The following TCEA3 variants were observed in gnomAD, a reference collection of about 807,000 sequenced individuals.
The protein encoded by TCEA3 is transcription elongation factor A3.
In TCEA3, 36 loss-of-function variants were observed where a neutral mutation model predicts 44.0. The observed-to-expected ratio is 0.82, with a 90% CI of 0.63 to 1.08. TCEA3 has a LOEUF of 1.08. TCEA3 is among the 50% of genes least tolerant of loss of function. The probability of loss-of-function intolerance (pLI) is 0.00; values close to 1 mark genes in which losing one functional copy is unlikely to be tolerated. For synonymous variants in TCEA3, 162 were observed against 159.7 expected, an observed-to-expected ratio of 1.01 and a Z score of -0.11; for missense variants, 392 against 441.2, an observed-to-expected ratio of 0.89 and a Z score of 1.00.
chr1:23,382,330 G>T (rs1219132283), intron 10 of TCEA3, among the ~76,000 whole-genome samples: 2 of 152,294 alleles, frequency 1.3e-5, no homozygotes, highest in East Asian at 3.9e-4. Flanking sequence ...ACGAGCCACT[G>T]CGCCTGGCCT....
chr1:23,406,845 C>T (rs886527117), intron 5 of TCEA3, among the ~76,000 whole-genome samples: 7 of 152,196 alleles, frequency 4.6e-5, no homozygotes, highest in African/African-American at 1.7e-4. Flanking sequence ...TGGTCTCGAA[C>T]TCCTGGCTTC....
intron 4 of TCEA3, chr1:23,412,107 T>A (rs1470211403): frequency 6.6e-6 from 1 of 152,210 alleles, no homozygotes; most frequent in Non-Finnish European, 1.5e-5. Context: ...CAATGATAGC[T>A]GATAGTAGGA....
intron 8 of TCEA3, among the ~76,000 whole-genome samples, chr1:23,391,055 A>G (rs1184862497): frequency 1.3e-5 from 2 of 151,712 alleles, no homozygotes; most frequent in Non-Finnish European, 2.9e-5. Flanking sequence ...CACCGTCCAC[A>G]TGGGTTCCTG....
chr1:23,393,578 C>T (rs570026962), intron 8 of TCEA3, among the ~76,000 whole-genome samples: 4 of 152,304 alleles, frequency 2.6e-5, no homozygotes, highest in South Asian at 4.1e-4. Flanking sequence ...TGGGCAAATT[C>T]GTTTACTCCT....
intron 10 of TCEA3, among the ~76,000 whole-genome samples, chr1:23,382,182 G>A (rs1638688637): frequency 6.6e-6 from 1 of 152,030 alleles, no homozygotes; most frequent in South Asian, 2.1e-4. Context: ...GAGTAGCTGG[G>A]ATTACAGGCA....
At chr1:23,395,048 G>A (rs1191824346) in intron 7 of TCEA3, among the ~76,000 whole-genome samples, 1 of 152,266 alleles carries the variant, frequency 6.6e-6, no homozygotes, top group Admixed American at 6.5e-5. Context: ...TAAAGAGACT[G>A]CGGAGAATGT....
chr1:23,392,476 C>A (rs1481375676), intron 8 of TCEA3, among the ~76,000 whole-genome samples: 10 of 2,056 alleles, frequency 4.9e-3, no homozygotes, highest in African/African-American at 7.3e-3. Flanking sequence ...TCATACACAC[C>A]ACACACTCCA....
At chr1:23,408,505 G>A in intron 5 of TCEA3, 159 bp downstream of exon 5, 1 of 690,050 alleles carries the variant, frequency 1.4e-6, no homozygotes. Flanking sequence ...GGGCTGAAAT[G>A]TGGAAAGACT....
chr1:23,392,492 C>CGT (rs1558030755), intron 8 of TCEA3, among the ~76,000 whole-genome samples: 1 of 29,070 alleles, frequency 3.4e-5, no homozygotes, highest in Non-Finnish European at 6.4e-5. Context: ...CTCCACACAT[C>CGT]ACACACTCAC....
chr1:23,413,240 G>A (rs555051670), intron 4 of TCEA3, among the ~76,000 whole-genome samples: 1 of 151,782 alleles, frequency 6.6e-6, no homozygotes, highest in East Asian at 1.9e-4. Flanking sequence ...AGGCTCAAGT[G>A]ATCCTCCCAC....
intron 1 of TCEA3, among the ~76,000 whole-genome samples, chr1:23,424,110 A>C (rs1477909057): frequency 6.8e-6 from 1 of 147,360 alleles, no homozygotes; most frequent in East Asian, 2.0e-4. Flanking sequence ...GCAGCTCAGT[A>C]CCCCCGTCAG....
intron 7 of TCEA3, among the ~76,000 whole-genome samples, chr1:23,395,252 G>A (rs1003944324): frequency 6.6e-6 from 1 of 152,138 alleles, no homozygotes; most frequent in Non-Finnish European, 1.5e-5. Flanking sequence ...ATTGATATGC[G>A]GAGCCAGCAG....
intron 8 of TCEA3, among the ~76,000 whole-genome samples, chr1:23,392,472 ACAC>A (rs756900741): frequency 0.1 from 4,413 of 42,992 alleles, 3 homozygotes; most frequent in East Asian, 0.11. Flanking sequence ...CACATCATAC[ACAC>A]CACACACTCC....
chr1:23,420,184 C>G (rs189744173), intron 1 of TCEA3, among the ~76,000 whole-genome samples: 3 of 152,212 alleles, frequency 2.0e-5, no homozygotes, highest in South Asian at 2.1e-4. Context: ...CATGTTGTCT[C>G]GTGGATCAGT....
At chr1:23,388,199 CTT>C (rs148219602) in intron 8 of TCEA3, among the ~76,000 whole-genome samples, 22 of 138,542 alleles carry the variant, frequency 1.6e-4, no homozygotes, top group African/African-American at 1.6e-4. Context: ...GGATTTTAAA[CTT>C]TTTTTTTTTT....
intron 5 of TCEA3, among the ~76,000 whole-genome samples, chr1:23,407,002 C>T (rs1001223029): frequency 6.6e-6 from 1 of 152,216 alleles, no homozygotes; most frequent in Non-Finnish European, 1.5e-5. Flanking sequence ...TATTTGACTT[C>T]TCCAACTGAA....
At chr1:23,405,160 C>T (rs773511041) in intron 5 of TCEA3, among the ~76,000 whole-genome samples, 3 of 152,142 alleles carry the variant, frequency 2.0e-5, no homozygotes, top group African/African-American at 7.2e-5. Flanking sequence ...TGCATGTGCT[C>T]TTGATCCCCA....
rs1450008174 is a variant in TCEA3, at chr1:23,397,949, G to C, written c.450C>G (p.Asn150Lys). The C allele has an allele frequency of 6.2e-7, 1 of 1,613,716 alleles. No homozygotes were observed. The highest frequency in any genetic ancestry group is 1.7e-5 in the Admixed American group (1 of 59,942). The change falls in exon 6 of 11, where the codon AAC becomes AAG. Residue 150 changes from asparagine (N) to lysine (K), a missense_variant. Physicochemically the swap from Asn to Lys is moderately conservative, Grantham distance 94. Coordinates refer to ENST00000450454, the MANE Select transcript of TCEA3 (RefSeq NM_003196.3). ...SPKRPSVERS[N>K]SSKSKAESPK... ...GGCTCTCCGCTTTTGATTTGCTGCT[G>C]TTTGATCTGAGGATGACAATAAGTA...
In TCEA3 at chr1:23,417,325, C is replaced by T; in HGVS notation, c.304G>A (p.Gly102Arg). The T allele has an allele frequency of 6.2e-7, 1 of 1,614,006 alleles. No individual in the cohort carries two copies. Among genetic ancestry groups the T allele is most frequent in the Non-Finnish European group, 8.5e-7 (1 of 1,179,888 alleles). ...EREKAKKKEKGLECSDWKPEA... is the reference protein window; with the variant it reads ...EREKAKKKEKRLECSDWKPEA... ...GGCTTCCAGTCTGAACACTCAAGCCCTTTTTCCTTCTTCTTTGCCTTTTCT... is the reference window on the plus strand; with the variant it reads ...GGCTTCCAGTCTGAACACTCAAGCCTTTTTTCCTTCTTCTTTGCCTTTTCT... The change falls in exon 4 of 11, where the codon GGG becomes AGG. Residue 102 changes from glycine (G) to arginine (R), a missense_variant. Gly to Arg is a moderately radical substitution (Grantham distance 125). Transcript: ENST00000450454.
Sources: allele counts gnomAD v4.1 joint callset (sites outside exome capture counted in the v4.1 genomes callset), GRCh38; gene constraint gnomAD v4.1.1; transcripts MANE v1.5; gene names NCBI Gene and HGNC (gene_info 2026-07-23, HGNC 2026-07-21).